Variants in NRXN3 observed in about 807,000 individuals in gnomAD.
NRXN3 encodes the protein neurexin 3, also known as neurexin III.
A neutral mutation model predicts 137.6 loss-of-function variants in NRXN3; 32 were observed. The observed-to-expected ratio is 0.23, with a 90% CI of 0.18 to 0.31. The LOEUF is 0.31. Ranked by LOEUF, NRXN3 falls within the 10% of genes least tolerant of loss-of-function variation. NRXN3 has a pLI of 1.00. For synonymous variants in NRXN3, 798 were observed against 784.5 expected (o/e 1.02, Z -0.29); for missense variants, 1,574 against 2,062.5 (o/e 0.76, Z 4.59).
chr14:79,634,847 TA>T (rs1394649528), intron 16 of NRXN3, among the ~76,000 whole-genome samples: 2 of 152,186 alleles, frequency 1.3e-5, no homozygotes, highest in Non-Finnish European at 2.9e-5. Context: ...CAGACTCTGG[TA>T]ATCATTACAC....
At chr14:79,514,296 A>C (rs561017132) in intron 16 of NRXN3, among the ~76,000 whole-genome samples, 92 of 150,638 alleles carry the variant, frequency 6.1e-4, no homozygotes, top group Admixed American at 1.8e-3. Context: ...GCAGCATTTT[A>C]GAGTTCAGTA....
intron 10 of NRXN3, among the ~76,000 whole-genome samples, chr14:78,889,837 T>G (rs1284973738): frequency 2.6e-5 from 4 of 151,882 alleles, no homozygotes. Context: ...GGAAAAAGGG[T>G]CTTTGCAGAT....
At chr14:79,851,586 G>T (rs1459180259) in intron 20 of NRXN3, among the ~76,000 whole-genome samples, 1 of 152,118 alleles carries the variant, frequency 6.6e-6, no homozygotes, top group Non-Finnish European at 1.5e-5. Context: ...TCCCCTAAAA[G>T]AGTTCTTAGG....
chr14:79,486,899 A>G (rs1295792822), intron 16 of NRXN3, among the ~76,000 whole-genome samples: 1 of 130,406 alleles, frequency 7.7e-6, no homozygotes, highest in African/African-American at 3.2e-5. Context: ...CTTCTATTAA[A>G]CTCTCTTTAC....
At chr14:78,906,787 C>A (rs902700323) in intron 10 of NRXN3, among the ~76,000 whole-genome samples, 1 of 151,908 alleles carries the variant, frequency 6.6e-6, no homozygotes, top group Admixed American at 6.6e-5. Flanking sequence ...GGAGCTGGGG[C>A]CTAGGTAGAT....
intron 16 of NRXN3, among the ~76,000 whole-genome samples, chr14:79,494,376 T>C (rs1420417312): frequency 1.3e-5 from 2 of 152,156 alleles, no homozygotes; most frequent in Admixed American, 6.5e-5. Context: ...ACTATTTCTA[T>C]TACGTGAAAA....
chr14:78,642,261 T>G (rs1295777890), intron 4 of NRXN3, among the ~76,000 whole-genome samples: 1 of 152,220 alleles, frequency 6.6e-6, no homozygotes, highest in African/African-American at 2.4e-5. Context: ...GGCAACTCAC[T>G]TATTTCTAGT....
chr14:79,247,905 AAC>A (rs1328279730), intron 15 of NRXN3, among the ~76,000 whole-genome samples: 7 of 151,942 alleles, frequency 4.6e-5, no homozygotes, highest in African/African-American at 1.7e-4. Context: ...TTAAAAAAAA[AAC>A]ACTCTAAATT....
intron 17 of NRXN3, among the ~76,000 whole-genome samples, chr14:79,678,608 T>C (rs1262356759): frequency 1.3e-5 from 2 of 152,166 alleles, no homozygotes; most frequent in East Asian, 3.9e-4. Flanking sequence ...AGGATTCCAA[T>C]ATGATTTTTA....
At chr14:78,875,113 C>A (rs1478697194) in intron 10 of NRXN3, among the ~76,000 whole-genome samples, 2 of 152,176 alleles carry the variant, frequency 1.3e-5, no homozygotes, top group African/African-American at 4.8e-5. Context: ...GAATGTTAAA[C>A]CAGCTTGCAT....
intron 15 of NRXN3, among the ~76,000 whole-genome samples, chr14:79,328,278 G>C (rs1176684984): frequency 3.3e-5 from 5 of 152,190 alleles, no homozygotes; most frequent in Non-Finnish European, 7.3e-5. Context: ...TTCAGCACCA[G>C]TGGTGAATAT....
At chr14:79,187,718 C>T (rs985958973) in intron 15 of NRXN3, among the ~76,000 whole-genome samples, 3 of 152,154 alleles carry the variant, frequency 2.0e-5, no homozygotes, top group African/African-American at 4.8e-5. Flanking sequence ...TAGCGAATGT[C>T]CTTTTCTAGC....
chr14:78,515,016 A>T (rs941142717), intron 4 of NRXN3, among the ~76,000 whole-genome samples: 21 of 152,286 alleles, frequency 1.4e-4, no homozygotes, highest in African/African-American at 4.3e-4. Flanking sequence ...TGGTCCTACT[A>T]TTGGCACATT....
At chr14:79,706,800 G>T (rs1021249860) in intron 19 of NRXN3, among the ~76,000 whole-genome samples, 2 of 151,968 alleles carry the variant, frequency 1.3e-5, no homozygotes, top group Non-Finnish European at 2.9e-5. Flanking sequence ...ATGACACACC[G>T]CCCCCCTTTC....
intron 8 of NRXN3, among the ~76,000 whole-genome samples, chr14:78,781,479 A>G (rs1345535794): frequency 6.6e-6 from 1 of 152,222 alleles, no homozygotes; most frequent in Non-Finnish European, 1.5e-5. Flanking sequence ...AAAATTAAAT[A>G]AAGAACCAGC....
At chr14:79,160,476 C>A (rs919050451) in intron 15 of NRXN3, among the ~76,000 whole-genome samples, 4 of 151,910 alleles carry the variant, frequency 2.6e-5, no homozygotes, top group Admixed American at 1.3e-4. Context: ...CACTGAACTA[C>A]AACACATTCT....
intron 4 of NRXN3, among the ~76,000 whole-genome samples, chr14:78,540,480 T>C (rs1328242269): frequency 1.4e-5 from 2 of 145,192 alleles, no homozygotes; most frequent in African/African-American, 2.5e-5. Context: ...TAGATCTTCC[T>C]CCATTCCTCT....
At chr14:79,813,994 C>T (rs2099243840) in intron 20 of NRXN3, among the ~76,000 whole-genome samples, 1 of 152,196 alleles carries the variant, frequency 6.6e-6, no homozygotes, top group Non-Finnish European at 1.5e-5. Flanking sequence ...CATGCCGTGA[C>T]AAGTTTTGTA....
At chr14:78,849,570 C>A (rs943050910) in intron 10 of NRXN3, among the ~76,000 whole-genome samples, 1 of 152,056 alleles carries the variant, frequency 6.6e-6, no homozygotes, top group Non-Finnish European at 1.5e-5. Context: ...TTACATCTTA[C>A]GCTAAAAATG....
Sources: gnomAD v4.1 joint callset for allele counts (sites outside exome capture counted in the v4.1 genomes callset) on GRCh38, gnomAD v4.1.1 for gene constraint, MANE v1.5 for transcripts, NCBI Gene and HGNC (gene_info 2026-07-23, HGNC 2026-07-21) for gene names.